TES: variants seen among roughly 807,000 people sequenced by gnomAD.
TES encodes testin.
In TES, 41 loss-of-function variants were observed where a neutral mutation model predicts 48.2. The ratio of observed to expected loss-of-function variants is 0.85; its 90% confidence interval spans 0.66 to 1.10. TES has a LOEUF of 1.10. TES is among the 50% of genes least tolerant of loss of function. The probability of loss-of-function intolerance (pLI) is 0.00; values close to 1 mark genes in which losing one functional copy is unlikely to be tolerated. For synonymous variants in TES, 162 were observed against 174.9 expected, an observed-to-expected ratio of 0.93 and a Z score of 0.58; for missense variants, 463 against 515.1, an observed-to-expected ratio of 0.90 and a Z score of 0.98.
At chr7:116,214,255 G>A (rs553075377) in intron 1 of TES, among the ~76,000 whole-genome samples, 1 of 151,972 alleles carries the variant, frequency 6.6e-6, no homozygotes, top group Non-Finnish European at 1.5e-5. Context: ...TTTGTCATTA[G>A]CCAAAAAAGC....
At chr7:116,242,605 GA>G (rs763051655) in intron 2 of TES, among the ~76,000 whole-genome samples, 1 of 151,792 alleles carries the variant, frequency 6.6e-6, no homozygotes, top group Admixed American at 6.6e-5. Context: ...AGTATTTTAA[GA>G]AAATTCAGAA....
intron 1 of TES, among the ~76,000 whole-genome samples, chr7:116,221,767 G>A (rs1799560994): frequency 6.6e-6 from 1 of 152,112 alleles, no homozygotes; most frequent in Admixed American, 6.6e-5. Context: ...TGCTCTAGAC[G>A]AATCTGATTT....
intron 3 of TES, chr7:116,249,937 A>G: frequency 5.3e-6 from 2 of 376,654 alleles, no homozygotes; most frequent in Non-Finnish European, 9.4e-6. Context: ...TTACAAACTG[A>G]AAAAATATAT....
chr7:116,218,985 A>G (rs117345459), intron 1 of TES, among the ~76,000 whole-genome samples: 158 of 152,278 alleles, frequency 1.0e-3, no homozygotes, highest in Non-Finnish European at 1.5e-3. Flanking sequence ...TTCTCTGCCT[A>G]TCTCATCACA....
chr7:116,222,177 C>T (rs1176550111), intron 1 of TES, among the ~76,000 whole-genome samples: 1 of 152,154 alleles, frequency 6.6e-6, no homozygotes, highest in Non-Finnish European at 1.5e-5. Flanking sequence ...CTCTCCCTTC[C>T]TTTCCTGGTT....
At chr7:116,241,832 T>C (rs189912485) in intron 2 of TES, among the ~76,000 whole-genome samples, 27 of 152,264 alleles carry the variant, frequency 1.8e-4, no homozygotes, top group Admixed American at 3.3e-4. Flanking sequence ...CTTCTAATTG[T>C]CAAGACAAAT....
chr7:116,210,661 G>T lies in TES; in HGVS notation c.-47G>T. 1 of 1,301,460 alleles carries T rather than the reference G, an allele frequency of 7.7e-7. No homozygotes were observed. Among genetic ancestry groups the T allele is most frequent in the Non-Finnish European group, 9.9e-7 (1 of 1,013,886 alleles). The allele number at this position is 1,301,460 out of a possible 1,614,324, so 80.6% of individuals were successfully genotyped here. ...AGCCGGAGGCCAGCTGAACCCGGCC[G>T]TGGGATCCCGGATAGGAGGAGGAGG... On this transcript the variant is annotated 5_prime_UTR_variant, in exon 1 of 7. Transcript: ENST00000358204.
chr7:116,252,725 C>T (rs1800037331), intron 6 of TES: 1 of 500,742 alleles, frequency 2.0e-6, no homozygotes, highest in African/African-American at 1.9e-5. Flanking sequence ...TAATAAAATC[C>T]TCACTTAAAA....
chr7:116,251,599 C>T (rs1018932799), intron 4 of TES, 161 bp from the exon 5 acceptor site: 91 of 666,164 alleles, frequency 1.4e-4, no homozygotes, highest in Non-Finnish European at 2.1e-4. Context: ...AGGAGAACGG[C>T]GTGAACCCAG....
chr7:116,235,417 A>G (rs1428670987), intron 2 of TES, among the ~76,000 whole-genome samples: 2 of 152,236 alleles, frequency 1.3e-5, no homozygotes, highest in Admixed American at 6.5e-5. Context: ...TAAAGTTACT[A>G]GTGAAAAACC....
chr7:116,252,442 T>G lies in TES; in HGVS notation c.1043T>G (p.Val348Gly), dbSNP rs1003349030. The G allele has an allele frequency of 1.2e-6, 2 of 1,614,122 alleles. No individual in the cohort carries two copies. Among genetic ancestry groups the G allele is most frequent in the African/African-American group, 2.7e-5 (2 of 74,942 alleles). ...EIYVMVNDKP[V>G]CKPCYVKNHA... ...TACGTGATGGTCAATGACAAGCCCG[T>G]GTGCAAGCCCTGCTATGTGAAGAAT... Residue 348 changes from valine to glycine, a missense_variant, in exon 6 of 7, where the codon GTG (valine) becomes GGG (glycine). Transcript: ENST00000358204.
intron 1 of TES, among the ~76,000 whole-genome samples, chr7:116,223,760 GA>G (rs1238432893): frequency 2.6e-5 from 4 of 152,158 alleles, no homozygotes; most frequent in Admixed American, 2.6e-4. Context: ...TTAAATATTT[GA>G]AATGGGCAAA....
intron 4 of TES, among the ~76,000 whole-genome samples, chr7:116,251,129 G>A (rs1250133998): frequency 6.6e-6 from 1 of 152,080 alleles, no homozygotes; most frequent in East Asian, 1.9e-4. Flanking sequence ...AAGCCCTGAG[G>A]TGATAGTTTT....
chr7:116,231,163 C>T (rs1799695284), intron 1 of TES, among the ~76,000 whole-genome samples: 1 of 152,148 alleles, frequency 6.6e-6, no homozygotes, highest in South Asian at 2.1e-4. Context: ...GCTGTGCAAC[C>T]AGGAGCAAAT....
chr7:116,257,010 T>G (rs1405493453), intron 6 of TES, among the ~76,000 whole-genome samples: 1 of 152,218 alleles, frequency 6.6e-6, no homozygotes, highest in Non-Finnish European at 1.5e-5. Context: ...CACACTGCTT[T>G]GGAACTTCCC....
At chr7:116,224,762 C>T (rs1271216235) in intron 1 of TES, among the ~76,000 whole-genome samples, 1 of 152,090 alleles carries the variant, frequency 6.6e-6, no homozygotes, top group Admixed American at 6.5e-5. Flanking sequence ...TCCTGCCTAG[C>T]AAACAATGAG....
At chr7:116,237,841 T>G (rs1485755973) in intron 2 of TES, 1 of 129,632 alleles carries the variant, frequency 7.7e-6, no homozygotes, top group African/African-American at 3.1e-5. Context: ...TTGGTGTGTG[T>G]GGGTGTGTGT....
intron 2 of TES, among the ~76,000 whole-genome samples, chr7:116,234,899 G>A (rs1305055366): frequency 1.3e-5 from 2 of 152,148 alleles, no homozygotes; most frequent in South Asian, 2.1e-4. Context: ...CATCTTTCTG[G>A]TGGTAAATAA....
At chr7:116,229,842 T>TA (rs1380751051) in intron 1 of TES, among the ~76,000 whole-genome samples, 3 of 152,234 alleles carry the variant, frequency 2.0e-5, no homozygotes, top group Non-Finnish European at 2.9e-5. Context: ...AGGAAAATGC[T>TA]AGAGTGTGAA....
Sources: gnomAD v4.1 joint callset for allele counts (sites outside exome capture counted in the v4.1 genomes callset) on GRCh38, gnomAD v4.1.1 for gene constraint, MANE v1.5 for transcripts, NCBI Gene and HGNC (gene_info 2026-07-23, HGNC 2026-07-21) for gene names.